The following GAB2 variants were observed in gnomAD, a reference collection of about 807,000 sequenced individuals.
GAB2 encodes GRB2 associated binding protein 2.
A neutral mutation model predicts 65.5 loss-of-function variants in GAB2; 26 were observed. The observed-to-expected ratio is 0.40, with a 90% CI of 0.29 to 0.55. The LOEUF is 0.55. Among genes scored for constraint, GAB2 ranks in the 20% least tolerant of loss-of-function variants. The probability of loss-of-function intolerance (pLI) is 0.53; values close to 1 mark genes in which losing one functional copy is unlikely to be tolerated. For synonymous variants in GAB2, 321 were observed against 329.6 expected, an observed-to-expected ratio of 0.97 and a Z score of 0.28; for missense variants, 884 against 875.8, an observed-to-expected ratio of 1.01 and a Z score of -0.12.
intron 1 of GAB2, among the ~76,000 whole-genome samples, chr11:78,392,596 G>A (rs1016309116): frequency 6.6e-6 from 1 of 152,158 alleles, no homozygotes. Flanking sequence ...GAGGAGGCAG[G>A]GGAGAGAGAA....
intron 1 of GAB2, among the ~76,000 whole-genome samples, chr11:78,386,264 T>C (rs1856764827): frequency 6.6e-6 from 1 of 152,206 alleles, no homozygotes; most frequent in Non-Finnish European, 1.5e-5. Context: ...TGCCCCATTC[T>C]AGTTGCTTCT....
rs1237151889 is a variant in GAB2, at chr11:78,220,315, G to C, written c.1887+4C>G. On this transcript the variant is annotated splice_donor_region_variant and intron_variant, in intron 9 of 9. Coordinates refer to ENST00000361507, the MANE Select transcript of GAB2 (RefSeq NM_080491.3). ...TACTGCCCCCCCAACTCTACTCCAG[G>C]CACCTTGCGGTGGGGGCTTGGGGAG... 1 of 1,612,150 alleles carries C rather than the reference G, an allele frequency of 6.2e-7. No individual in the cohort carries two copies. The highest frequency in any genetic ancestry group is 8.5e-7 in the Non-Finnish European group (1 of 1,179,738).
intron 1 of GAB2, among the ~76,000 whole-genome samples, chr11:78,412,203 C>A (rs1857139258): frequency 6.6e-6 from 1 of 150,554 alleles, no homozygotes; most frequent in African/African-American, 2.4e-5. Flanking sequence ...AGAGGATATA[C>A]AGATGGCAAA....
At chr11:78,286,735 G>C (rs1298901705) in intron 1 of GAB2, among the ~76,000 whole-genome samples, 1 of 152,202 alleles carries the variant, frequency 6.6e-6, no homozygotes, top group African/African-American at 2.4e-5. Flanking sequence ...TATGGTGTGA[G>C]TTATTTGGCA....
At chr11:78,296,611 C>CTTG (rs928160568) in intron 1 of GAB2, among the ~76,000 whole-genome samples, 11 of 151,468 alleles carry the variant, frequency 7.3e-5, no homozygotes, top group African/African-American at 2.4e-4. Flanking sequence ...AAAGAAGACA[C>CTTG]TTGTTTACAG....
At chr11:78,392,576 G>A (rs757271297) in intron 1 of GAB2, among the ~76,000 whole-genome samples, 4 of 152,060 alleles carry the variant, frequency 2.6e-5, no homozygotes, top group Non-Finnish European at 2.9e-5. Flanking sequence ...TGGAATGATC[G>A]ATAGAGTCTG....
intron 1 of GAB2, among the ~76,000 whole-genome samples, chr11:78,337,313 T>C (rs1856018953): frequency 6.6e-6 from 1 of 152,172 alleles, no homozygotes; most frequent in South Asian, 2.1e-4. Context: ...CAAAAGGCAA[T>C]ATGCAAAAGG....
At chr11:78,344,798 A>T (rs1856153573) in intron 1 of GAB2, among the ~76,000 whole-genome samples, 1 of 152,348 alleles carries the variant, frequency 6.6e-6, no homozygotes, top group African/African-American at 2.4e-5. Flanking sequence ...TTTAGGCATA[A>T]GACAAGTTTG....
At chr11:78,317,876 A>T (rs1450284487) in intron 1 of GAB2, among the ~76,000 whole-genome samples, 1 of 151,820 alleles carries the variant, frequency 6.6e-6, no homozygotes, top group African/African-American at 2.4e-5. Context: ...AAGAAGAAGA[A>T]GATTAAACTA....
chr11:78,388,309 A>T (rs1030241482), intron 1 of GAB2, among the ~76,000 whole-genome samples: 2 of 151,856 alleles, frequency 1.3e-5, no homozygotes, highest in East Asian at 1.9e-4. Context: ...GATCACAAAC[A>T]TGAGCCACTG....
At chr11:78,354,583 TC>T (rs1856329752) in intron 1 of GAB2, among the ~76,000 whole-genome samples, 2 of 152,002 alleles carry the variant, frequency 1.3e-5, no homozygotes, top group African/African-American at 4.8e-5. Flanking sequence ...ACAAAGGAAA[TC>T]ATCTATGCCA....
intron 2 of GAB2, among the ~76,000 whole-genome samples, chr11:78,258,135 G>C (rs963230415): frequency 2.0e-5 from 3 of 152,158 alleles, no homozygotes; most frequent in Non-Finnish European, 2.9e-5. Flanking sequence ...GATTAGATCG[G>C]GGGTACACAT....
At chr11:78,342,021 T>C in intron 1 of GAB2, 1 of 262,102 alleles carries the variant, frequency 3.8e-6, no homozygotes, top group Non-Finnish European at 5.9e-6. Flanking sequence ...CCTAATGAAT[T>C]CTGGCCAGAG....
At chr11:78,411,185 G>A (rs1358555415) in intron 1 of GAB2, among the ~76,000 whole-genome samples, 1 of 151,372 alleles carries the variant, frequency 6.6e-6, no homozygotes, top group Non-Finnish European at 1.5e-5. Context: ...GGAAGGAGAA[G>A]AAAATAAACG....
Position 78,318,382 on chromosome 11 carries a change from A to AAAAAAAAAAAAAAAAAAAAAAAAAAAAC in GAB2, c.76-37482_76-37481insGTTTTTTTTTTTTTTTTTTTTTTTTTTT, listed in dbSNP as rs1855657135. Among the ~76,000 whole-genome samples, 3 of 149,088 alleles carry AAAAAAAAAAAAAAAAAAAAAAAAAAAAC rather than the reference A, an allele frequency of 2.0e-5. 1 individual carries two copies. Among genetic ancestry groups the AAAAAAAAAAAAAAAAAAAAAAAAAAAAC allele is most frequent in the African/African-American group, 4.9e-5 (2 of 40,514 alleles). ...ATTGTTAAATGCCAAAAAAAAAAAA[A>AAAAAAAAAAAAAAAAAAAAAAAAAAAAC]AAAAGCTGTGAAAAGGAGCTTGACT... On this transcript the variant is annotated intron_variant, in intron 1 of 9. Transcript: ENST00000361507.
chr11:78,362,004 G>C (rs1334035760), intron 1 of GAB2, among the ~76,000 whole-genome samples: 1 of 151,688 alleles, frequency 6.6e-6, no homozygotes, highest in East Asian at 1.9e-4. Context: ...CTACCACTCA[G>C]CTGCTTTTTA....
At chr11:78,377,762 T>C (rs908041633) in intron 1 of GAB2, among the ~76,000 whole-genome samples, 6 of 152,190 alleles carry the variant, frequency 3.9e-5, no homozygotes, top group Admixed American at 1.3e-4. Context: ...CTGCAAAGTT[T>C]ACTTACTACG....
intron 1 of GAB2, among the ~76,000 whole-genome samples, chr11:78,382,643 C>T (rs4945272): frequency 0.088 from 13,312 of 152,122 alleles, 767 homozygotes; most frequent in Admixed American, 0.14. Flanking sequence ...TAAGTCACCA[C>T]GCATGGAAAG....
intron 2 of GAB2, 94 bp downstream of exon 2, chr11:78,280,507 A>G: frequency 9.8e-7 from 1 of 1,025,116 alleles, no homozygotes; most frequent in Non-Finnish European, 1.5e-6. Context: ...CTCTTCCAAC[A>G]GGAAACCTTA....
Sources: gnomAD v4.1 joint callset for allele counts (sites outside exome capture counted in the v4.1 genomes callset) on GRCh38, gnomAD v4.1.1 for gene constraint, MANE v1.5 for transcripts, NCBI Gene and HGNC (gene_info 2026-07-23, HGNC 2026-07-21) for gene names.